Variants in FTCDNL1 observed in about 807,000 individuals in gnomAD.
The protein encoded by FTCDNL1 is formiminotransferase cyclodeaminase N-terminal like.
In FTCDNL1, 11 loss-of-function variants were observed where a neutral mutation model predicts 5.9. The ratio of observed to expected loss-of-function variants is 1.87; its 90% confidence interval spans 1.18 to 3.10. The LOEUF is 3.10. FTCDNL1 is among the 30% of genes most tolerant of loss of function. The pLI is 0.00. For synonymous variants in FTCDNL1, 58 were observed against 24.8 expected, an observed-to-expected ratio of 2.34 and a Z score of -3.99; for missense variants, 115 against 65.5, an observed-to-expected ratio of 1.76 and a Z score of -2.61.
intron 3 of FTCDNL1, among the ~76,000 whole-genome samples, chr2:199,839,489 G>A (rs1050536375): frequency 6.6e-6 from 1 of 152,172 alleles, no homozygotes; most frequent in Non-Finnish European, 1.5e-5. Flanking sequence ...AAATAATGGG[G>A]CTTTTAGAAA....
chr2:199,849,107 C>A (rs2076807150), intron 1 of FTCDNL1, 138 bp from the exon 2 acceptor site: 3 of 593,878 alleles, frequency 5.1e-6, no homozygotes, highest in Non-Finnish European at 8.9e-6. Context: ...TAGAAAAATT[C>A]TAAAGCATAA....
the FTCDNL1 span, among the ~76,000 whole-genome samples, chr2:199,668,195 T>C: frequency 2.0e-5 from 3 of 152,210 alleles, no homozygotes; most frequent in African/African-American, 7.2e-5. Flanking sequence ...ATATATTATA[T>C]TGATGACTAA....
At chr2:199,714,931 C>T in the FTCDNL1 span, among the ~76,000 whole-genome samples, 3 of 117,386 alleles carry the variant, frequency 2.6e-5, no homozygotes, top group Non-Finnish European at 5.1e-5. Context: ...CATCACACAC[C>T]GGGGCCTGTT....
the FTCDNL1 span, among the ~76,000 whole-genome samples, chr2:199,700,273 T>C: frequency 1.3e-5 from 2 of 152,122 alleles, no homozygotes. Flanking sequence ...AATTGAGAGC[T>C]AAATCAAGAA....
At chr2:199,839,074 G>A (rs912088265) in intron 3 of FTCDNL1, among the ~76,000 whole-genome samples, 5 of 152,022 alleles carry the variant, frequency 3.3e-5, no homozygotes, top group African/African-American at 1.2e-4. Flanking sequence ...AACCCCACCT[G>A]CACACTTGGA....
chr2:199,813,261 C>T (rs1010203133), intron 4 of FTCDNL1, among the ~76,000 whole-genome samples: 7 of 152,194 alleles, frequency 4.6e-5, no homozygotes, highest in Admixed American at 4.6e-4. Context: ...AAAAGCAGCA[C>T]TCAGAAGAAA....
At chr2:199,736,601 T>C in the FTCDNL1 span, among the ~76,000 whole-genome samples, 1 of 152,244 alleles carries the variant, frequency 6.6e-6, no homozygotes, top group Non-Finnish European at 1.5e-5. Context: ...CTGCCTTCAC[T>C]GAGGAAAAAC....
the FTCDNL1 span, among the ~76,000 whole-genome samples, chr2:199,716,296 G>A: frequency 6.6e-6 from 1 of 152,146 alleles, no homozygotes; most frequent in Non-Finnish European, 1.5e-5. Flanking sequence ...GTCAGCTTGG[G>A]AATGAAGAGG....
the FTCDNL1 span, among the ~76,000 whole-genome samples, chr2:199,731,727 A>T: frequency 6.6e-6 from 1 of 152,104 alleles, no homozygotes; most frequent in Non-Finnish European, 1.5e-5. Context: ...TCTCTACTAA[A>T]AATACAAAAA....
intron 3 of FTCDNL1, among the ~76,000 whole-genome samples, chr2:199,794,288 C>A (rs1007295855): frequency 6.6e-6 from 1 of 152,128 alleles, no homozygotes; most frequent in African/African-American, 2.4e-5. Flanking sequence ...ATAGAAGAAC[C>A]AGCATTCCTA....
At chr2:199,708,406 G>C in the FTCDNL1 span, among the ~76,000 whole-genome samples, 1 of 151,848 alleles carries the variant, frequency 6.6e-6, no homozygotes, top group Non-Finnish European at 1.5e-5. Flanking sequence ...TTTTGTCCTG[G>C]TTATGGATCA....
chr2:199,803,018 T>C (rs1443532989), intron 3 of FTCDNL1, among the ~76,000 whole-genome samples: 3 of 151,484 alleles, frequency 2.0e-5, no homozygotes, highest in Admixed American at 1.3e-4. Context: ...AATTCATCCC[T>C]ATTAAAAATA....
chr2:199,733,623 C>T, the FTCDNL1 span, among the ~76,000 whole-genome samples: 1 of 152,128 alleles, frequency 6.6e-6, no homozygotes, highest in Non-Finnish European at 1.5e-5. Flanking sequence ...GAATTAGAAA[C>T]CATCAATGTC....
At chr2:199,815,538 C>T (rs1701299740) in intron 4 of FTCDNL1, among the ~76,000 whole-genome samples, 2 of 151,302 alleles carry the variant, frequency 1.3e-5, no homozygotes, top group African/African-American at 2.4e-5. Context: ...GAAACACTGA[C>T]ATAACCAAAA....
intron 4 of FTCDNL1, among the ~76,000 whole-genome samples, chr2:199,812,957 G>A (rs191396756): frequency 1.3e-5 from 2 of 152,258 alleles, no homozygotes; most frequent in Non-Finnish European, 2.9e-5. Flanking sequence ...ATCATATACT[G>A]TATGGCTGGT....
downstream of FTCDNL1, among the ~76,000 whole-genome samples, chr2:199,808,689 GCTTTTATCCC>G (rs1250320795): frequency 3.3e-5 from 5 of 152,162 alleles, no homozygotes; most frequent in African/African-American, 1.2e-4. Flanking sequence ...GGCACCATGT[GCTTTTATCCC>G]CTCTCATCTG....
At chr2:199,748,256 A>G in the FTCDNL1 span, among the ~76,000 whole-genome samples, 6 of 152,200 alleles carry the variant, frequency 3.9e-5, no homozygotes, top group Admixed American at 1.3e-4. Flanking sequence ...AAAGAGTTTG[A>G]GAAAAAAATT....
At chr2:199,706,810 T>C in the FTCDNL1 span, among the ~76,000 whole-genome samples, 1 of 152,244 alleles carries the variant, frequency 6.6e-6, no homozygotes, top group South Asian at 2.1e-4. Context: ...AATGCAGCTT[T>C]CAACCATGTT....
intron 3 of FTCDNL1, among the ~76,000 whole-genome samples, chr2:199,780,523 G>A (rs1405708900): frequency 6.6e-6 from 1 of 152,132 alleles, no homozygotes; most frequent in Non-Finnish European, 1.5e-5. Context: ...ATGAAAACTA[G>A]AGGGATGAAT....
Sources: allele counts gnomAD v4.1 joint callset (sites outside exome capture counted in the v4.1 genomes callset), GRCh38; gene constraint gnomAD v4.1.1; transcripts MANE v1.5; gene names NCBI Gene and HGNC (gene_info 2026-07-23, HGNC 2026-07-21).